ELFN2: variants seen among roughly 807,000 people sequenced by gnomAD.
The protein encoded by ELFN2 is extracellular leucine rich repeat and fibronectin type III domain containing 2.
ELFN2 carries 17 observed loss-of-function variants against 45.5 expected under a neutral mutation model. The ratio of observed to expected loss-of-function variants is 0.37; its 90% CI spans 0.26 to 0.56. The LOEUF (loss-of-function observed/expected upper bound fraction) is 0.56, where lower values mean the gene tolerates loss of function less well. Ranked by LOEUF, ELFN2 falls within the 20% of genes least tolerant of loss-of-function variation. The pLI, the probability that ELFN2 is intolerant of heterozygous loss-of-function variation, is 0.77. For synonymous variants in ELFN2, 550 were observed against 551.5 expected, an observed-to-expected ratio of 1.00 and a Z score of 0.04; for missense variants, 922 against 1,183.2, an observed-to-expected ratio of 0.78 and a Z score of 3.24.
intron 2 of ELFN2, among the ~76,000 whole-genome samples, chr22:37,411,939 A>C (rs1044651306): frequency 2.0e-5 from 3 of 151,812 alleles, no homozygotes; most frequent in African/African-American, 7.3e-5. Context: ...CCCTGCCCCA[A>C]TCCAACCACT....
Position 37,375,009 on chromosome 22 carries a change from T to G in ELFN2, c.526A>C (p.Ser176Arg), listed in dbSNP as rs1205849619. ...CCGGCCAGCTCACACACCATCAGGC[T>G]GGCGAGGCTGGCAAAGGTGGCACCG... ...LDGATFASLA[S>R]LMVCELAGNP... Residue 176 changes from serine to arginine, a missense_variant, in exon 3 of 3, where the codon AGC becomes CGC. Around this residue, in one of 2 missense-constraint regions of ELFN2, gnomAD observed 358 missense variants for 540.4 expected, o/e 0.66. Transcript: ENST00000402918. 1 of 1,613,396 alleles carries G rather than the reference T, an allele frequency of 6.2e-7. No homozygotes were observed. The highest frequency in any genetic ancestry group is 2.2e-5 in the East Asian group (1 of 44,876).
intron 2 of ELFN2, among the ~76,000 whole-genome samples, chr22:37,402,209 C>T (rs1203891510): frequency 2.0e-5 from 3 of 152,202 alleles, no homozygotes; most frequent in Non-Finnish European, 2.9e-5. Context: ...TAAATGTTAG[C>T]CCATGCTATT....
At chr22:37,396,831 T>C (rs527766799) in intron 2 of ELFN2, among the ~76,000 whole-genome samples, 15 of 152,218 alleles carry the variant, frequency 9.9e-5, no homozygotes, top group Admixed American at 7.2e-4. Flanking sequence ...AGATCCCAGC[T>C]TTCCCGTCAA....
At chr22:37,424,163 G>A (rs1932830966) in intron 1 of ELFN2, among the ~76,000 whole-genome samples, 2 of 152,002 alleles carry the variant, frequency 1.3e-5, no homozygotes, top group Non-Finnish European at 2.9e-5. Flanking sequence ...GAGCAGGTGA[G>A]GGTAGCAGCA....
chr22:37,354,808 G>A lies in ELFN2; in HGVS notation n.149-12105C>T, dbSNP rs184964784. The A allele has an allele frequency of 4.8e-5, 7 of 146,448 alleles. No individual in the cohort carries two copies. In the East Asian group the frequency reaches 6.0e-4, roughly 13 times the overall value. 9.1% of individuals were successfully genotyped at this position (146,448 alleles called of 1,614,324 possible). On this transcript the variant is annotated intron_variant and non_coding_transcript_variant, in intron 1 of 2. Transcript: ENST00000452946. ...TTGTGAAATGTTTAAAAGCACCCCC[G>A]GTGCCTTCCCACCAGATGCTGGTAG...
At chr22:37,406,097 G>A (rs1168515747) in intron 2 of ELFN2, among the ~76,000 whole-genome samples, 2 of 152,054 alleles carry the variant, frequency 1.3e-5, no homozygotes, top group Non-Finnish European at 2.9e-5. Flanking sequence ...AGCCACGATT[G>A]CACCACTGCA....
downstream of ELFN2, among the ~76,000 whole-genome samples, chr22:37,366,142 T>C (rs1176724695): frequency 6.6e-6 from 1 of 152,204 alleles, no homozygotes; most frequent in African/African-American, 2.4e-5. Flanking sequence ...GGGGAGTAGC[T>C]AAGGACATTT....
At chr22:37,362,286 C>T (rs1601738310) in intron 1 of ELFN2, among the ~76,000 whole-genome samples, 1 of 152,222 alleles carries the variant, frequency 6.6e-6, no homozygotes, top group Non-Finnish European at 1.5e-5. Context: ...TCCTCCTCCC[C>T]CCGTCTCTGG....
At chr22:37,390,103 C>T (rs1201492398) in intron 2 of ELFN2, among the ~76,000 whole-genome samples, 2 of 152,222 alleles carry the variant, frequency 1.3e-5, no homozygotes, top group Non-Finnish European at 2.9e-5. Context: ...CACACTGCGG[C>T]AGGGCCTCAC....
chr22:37,412,413 T>C (rs1037494396), intron 2 of ELFN2, among the ~76,000 whole-genome samples: 5 of 151,760 alleles, frequency 3.3e-5, no homozygotes, highest in African/African-American at 1.2e-4. Context: ...GACAGGGCAC[T>C]CACTCCCCTT....
rs181114719 is a variant in ELFN2 at position 37,361,982 on chromosome 22, C to T, written n.149-19279G>A. 3.0e-3 allele frequency among the ~76,000 whole-genome samples: 455 copies of T among 152,322 alleles called. 1 individual carries two copies. The highest frequency in any genetic ancestry group is 6.8e-3 in the South Asian group (33 of 4,832). ...CGCATTCAAGCCCTGCCTACACCTC[C>T]CACACGCAGCTACTCCTTGGTCATC... On this transcript the variant is annotated intron_variant and non_coding_transcript_variant, in intron 1 of 2. Coordinates refer to ENST00000452946, the Ensembl canonical transcript of ELFN2.
intron 2 of ELFN2, among the ~76,000 whole-genome samples, chr22:37,410,447 TGCTGGCTCCGACCCTCCA>T (rs1792283336): frequency 6.6e-6 from 1 of 152,116 alleles, no homozygotes; most frequent in Admixed American, 6.5e-5. Context: ...GTGGGAGACC[TGCTGGCTCCGACCCTCCA>T]GCACTCCGGG....
At chr22:37,421,348 A>C (rs978404703) in intron 1 of ELFN2, among the ~76,000 whole-genome samples, 18 of 152,360 alleles carry the variant, frequency 1.2e-4, no homozygotes, top group Admixed American at 9.8e-4. Flanking sequence ...TGCCTGGCAC[A>C]TAGCAGGTGC....
At chr22:37,416,910 C>T (rs953805830) in intron 2 of ELFN2, among the ~76,000 whole-genome samples, 7 of 152,182 alleles carry the variant, frequency 4.6e-5, no homozygotes, top group African/African-American at 1.4e-4. Flanking sequence ...TGGGGACCAC[C>T]GCACCTTGGA....
At chr22:37,350,890 C>T (rs943965118) in intron 1 of ELFN2, among the ~76,000 whole-genome samples, 5 of 150,502 alleles carry the variant, frequency 3.3e-5, no homozygotes, top group African/African-American at 9.7e-5. Context: ...GACTCCTCCA[C>T]CCTTACCCCC....
At chr22:37,407,015 T>C (rs747131504) in intron 2 of ELFN2, among the ~76,000 whole-genome samples, 17 of 152,378 alleles carry the variant, frequency 1.1e-4, no homozygotes, top group Middle Eastern at 3.4e-3. Flanking sequence ...ATGCAGCCCA[T>C]GGCCTTGGCC....
chr22:37,394,065 A>G (rs1431274918), intron 2 of ELFN2, among the ~76,000 whole-genome samples: 1 of 152,206 alleles, frequency 6.6e-6, no homozygotes, highest in Non-Finnish European at 1.5e-5. Context: ...CACCTCGTAC[A>G]GATGCAGGGA....
At chr22:37,380,817 C>T (rs1004991667) in intron 2 of ELFN2, among the ~76,000 whole-genome samples, 4 of 152,180 alleles carry the variant, frequency 2.6e-5, no homozygotes, top group Non-Finnish European at 5.9e-5. Context: ...TGCCACCCCC[C>T]GGGGAAGAGA....
chr22:37,385,470 A>C (rs1325075383), intron 2 of ELFN2, among the ~76,000 whole-genome samples: 1 of 152,208 alleles, frequency 6.6e-6, no homozygotes, highest in Non-Finnish European at 1.5e-5. Flanking sequence ...AAAAATCCTC[A>C]TTTCTGGAAT....
Sources: allele counts gnomAD v4.1 joint callset (sites outside exome capture counted in the v4.1 genomes callset), GRCh38; gene constraint gnomAD v4.1.1; regional missense constraint gnomAD v4.1.1; transcripts MANE v1.5; gene names NCBI Gene and HGNC (gene_info 2026-07-23, HGNC 2026-07-21).